BLNK: variants seen among roughly 807,000 people sequenced by gnomAD.
BLNK encodes the protein B-cell linker protein.
A neutral mutation model predicts 73.5 loss-of-function variants in BLNK; 29 were observed. The ratio of observed to expected loss-of-function variants is 0.39; its 90% CI spans 0.29 to 0.54. The LOEUF (loss-of-function observed/expected upper bound fraction) is 0.54. Ranked by LOEUF, BLNK falls within the 20% of genes least tolerant of loss-of-function variation. BLNK has a pLI of 0.61. For missense variants in BLNK, 460 were observed against 562.8 expected (o/e 0.82, Z 1.85); for synonymous variants, 176 against 200.8 (o/e 0.88, Z 1.04).
At chr10:96,268,114 C>A (rs1367716095) in intron 1 of BLNK, among the ~76,000 whole-genome samples, 1 of 152,176 alleles carries the variant, frequency 6.6e-6, no homozygotes, top group Non-Finnish European at 1.5e-5. Flanking sequence ...GATTTGACCA[C>A]ACTTGTGTCA....
In BLNK at chr10:96,216,831, A is replaced by G; in HGVS notation, c.526-97T>C. 3 of 979,114 alleles carry G rather than the reference A, an allele frequency of 3.1e-6. No homozygotes were observed. The South Asian group carries it at 4.0e-5, about 13-fold the overall frequency. 60.7% of individuals were successfully genotyped at this position (979,114 alleles called of 1,614,324 possible). On this transcript the variant is annotated intron_variant, in intron 6 of 16. Transcript: ENST00000224337. Reference sequence around the variant, plus strand: ...TTTTTAAAAAGCATTATTGAGACGCAATTCACATATCATAAAATTCTACTA... The same window carrying G: ...TTTTTAAAAAGCATTATTGAGACGCGATTCACATATCATAAAATTCTACTA...
At chr10:96,234,064 A>G (rs1554904639) in intron 3 of BLNK, among the ~76,000 whole-genome samples, 1 of 152,132 alleles carries the variant, frequency 6.6e-6, no homozygotes, top group African/African-American at 2.4e-5. Context: ...AGGTTGTAAA[A>G]CCTGCCTGAG....
chr10:96,263,214 T>A (rs1486225596), intron 1 of BLNK, among the ~76,000 whole-genome samples: 1 of 152,192 alleles, frequency 6.6e-6, no homozygotes, highest in African/African-American at 2.4e-5. Flanking sequence ...AGCAGAGCAT[T>A]AAACCAGGCA....
chr10:96,216,830 C>T, intron 6 of BLNK, 96 bp from the exon 7 acceptor site: 1 of 992,034 alleles, frequency 1.0e-6, no homozygotes, highest in Non-Finnish European at 1.6e-6. Context: ...TATTGAGACG[C>T]AATTCACATA....
chr10:96,196,346 G>A (rs2083464768), intron 16 of BLNK, among the ~76,000 whole-genome samples: 1 of 152,178 alleles, frequency 6.6e-6, no homozygotes, highest in Non-Finnish European at 1.5e-5. Context: ...CTGAGATATG[G>A]TAAGCACTGA....
chr10:96,210,338 CCCA>C (rs1231583996), intron 8 of BLNK: 1 of 226,868 alleles, frequency 4.4e-6, no homozygotes, highest in Non-Finnish European at 8.9e-6. Context: ...GAGGCTCCAA[CCCA>C]CCACTCCTGA....
chr10:96,191,235 C>CTTTTTTTTT lies in BLNK; in HGVS notation c.*729_*737dup, dbSNP rs34920263. Among the ~76,000 whole-genome samples, 3 of 130,266 alleles carry CTTTTTTTTT rather than the reference C, an allele frequency of 2.3e-5. No individual in the cohort carries two copies. The highest frequency in any genetic ancestry group is 2.2e-4 in the East Asian group (1 of 4,520). The allele number at this position is 130,266 out of a possible 152,430, so 85.5% of individuals were successfully genotyped here. Reference sequence around the variant, plus strand: ...GTGGAACTGTGAGTCCATTAAACCTCTTTTTTTTTTTTTTTTTTTATGTAA... The same window carrying CTTTTTTTTT: ...GTGGAACTGTGAGTCCATTAAACCTCTTTTTTTTTTTTTTTTTTTTTTTTTTTTATGTAA... On this transcript the variant is annotated 3_prime_UTR_variant, in exon 17 of 17. Transcript: ENST00000224337.
intron 1 of BLNK, among the ~76,000 whole-genome samples, chr10:96,269,021 C>T (rs536081121): frequency 6.6e-6 from 1 of 152,306 alleles, no homozygotes; most frequent in East Asian, 1.9e-4. Context: ...TGACTCCTCA[C>T]CATCCTATCT....
chr10:96,263,454 C>G (rs1351708243), intron 1 of BLNK, among the ~76,000 whole-genome samples: 2 of 152,240 alleles, frequency 1.3e-5, no homozygotes, highest in African/African-American at 4.8e-5. Flanking sequence ...GTCCCTCAAG[C>G]TGGCTTCTTT....
At chr10:96,230,284 G>GGTCCT (rs773381007) in intron 4 of BLNK, among the ~76,000 whole-genome samples, 4 of 152,082 alleles carry the variant, frequency 2.6e-5, no homozygotes, top group Non-Finnish European at 4.4e-5. Context: ...CAAAGAGCCT[G>GGTCCT]GTCCTGAGAT....
chr10:96,204,166 G>A, intron 12 of BLNK, 78 bp from the exon 13 acceptor site: 1 of 1,418,376 alleles, frequency 7.1e-7, no homozygotes, highest in Non-Finnish European at 1.0e-6. Flanking sequence ...CACTGATGAT[G>A]CTGTGAACAG....
At chr10:96,252,073 C>T (rs924662035) in intron 1 of BLNK, among the ~76,000 whole-genome samples, 8 of 151,994 alleles carry the variant, frequency 5.3e-5, no homozygotes, top group East Asian at 1.9e-4. Flanking sequence ...TATTTTGAGA[C>T]GGAGTCTCAC....
intron 1 of BLNK, among the ~76,000 whole-genome samples, chr10:96,269,347 T>C (rs1844163237): frequency 6.6e-6 from 1 of 151,630 alleles, no homozygotes; most frequent in African/African-American, 2.4e-5. Context: ...GCACCTTTAC[T>C]TAAATTCCCA....
chr10:96,252,756 G>T (rs539574058), intron 1 of BLNK, among the ~76,000 whole-genome samples: 1 of 152,156 alleles, frequency 6.6e-6, no homozygotes, highest in African/African-American at 2.4e-5. Context: ...CTCTCCTTGC[G>T]TGACAATGGA....
intron 8 of BLNK, among the ~76,000 whole-genome samples, chr10:96,210,725 C>T (rs188856556): frequency 3.1e-4 from 47 of 152,282 alleles, no homozygotes; most frequent in African/African-American, 1.0e-3. Context: ...CCCTAGCTGC[C>T]TCAGACATGA....
At chr10:96,252,770 G>T (rs928792471) in intron 1 of BLNK, among the ~76,000 whole-genome samples, 3 of 152,320 alleles carry the variant, frequency 2.0e-5, no homozygotes, top group Middle Eastern at 3.4e-3. Context: ...CAATGGAAAA[G>T]GGACTGGCCC....
At chr10:96,230,881 T>G (rs1263492793) in intron 3 of BLNK, 47 bp from the exon 4 acceptor site, 9 of 1,596,698 alleles carry the variant, frequency 5.6e-6, no homozygotes, top group Non-Finnish European at 7.7e-6. Flanking sequence ...GAGCCTCAGC[T>G]GGCCAGCCCC....
intron 13 of BLNK, among the ~76,000 whole-genome samples, chr10:96,201,659 G>T (rs1474356523): frequency 6.6e-6 from 1 of 152,156 alleles, no homozygotes; most frequent in East Asian, 1.9e-4. Context: ...TCTGAGAATT[G>T]CTGACTTCAG....
chr10:96,250,244 G>T (rs1429121160), intron 1 of BLNK, among the ~76,000 whole-genome samples: 2 of 152,136 alleles, frequency 1.3e-5, no homozygotes, highest in African/African-American at 4.8e-5. Context: ...CCCTTGAGTT[G>T]CCTCAGAACT....
Sources: gnomAD v4.1 joint callset for allele counts (sites outside exome capture counted in the v4.1 genomes callset) on GRCh38, gnomAD v4.1.1 for gene constraint, MANE v1.5 for transcripts, NCBI Gene and HGNC (gene_info 2026-07-23, HGNC 2026-07-21) for gene names.